Variants in ZC3H6 observed in about 807,000 individuals in gnomAD.
The protein encoded by ZC3H6 is zinc finger CCCH domain-containing protein 6.
Under a neutral mutation model 107.7 loss-of-function variants are expected in ZC3H6, and 40 were observed. The observed-to-expected ratio is 0.37, with a 90% CI of 0.29 to 0.48. The LOEUF (loss-of-function observed/expected upper bound fraction) is 0.48. Among genes scored for constraint, ZC3H6 ranks in the 20% least tolerant of loss-of-function variants. The probability of loss-of-function intolerance (pLI) is 0.98; values close to 1 mark genes in which losing one functional copy is unlikely to be tolerated. For synonymous variants in ZC3H6, 493 were observed against 487.9 expected (o/e 1.01, Z -0.14); for missense variants, 1,267 against 1,410.4 (o/e 0.90, Z 1.63).
intron 1 of ZC3H6, 88 bp from the exon 2 acceptor site, chr2:112,299,761 C>T: frequency 9.5e-7 from 1 of 1,055,226 alleles, no homozygotes; most frequent in Middle Eastern, 3.1e-4. Context: ...TAACATAAAT[C>T]CTTGGCATAT....
chr2:112,288,896 C>G (rs932688813), intron 1 of ZC3H6, among the ~76,000 whole-genome samples: 3 of 152,164 alleles, frequency 2.0e-5, no homozygotes, highest in African/African-American at 7.2e-5. Context: ...ATATTCCACT[C>G]TCTCTTCTGG....
At position 112,322,847 on chromosome 2, in the gene ZC3H6, C is replaced by A. The variant is rs1415859101; in HGVS notation, c.1285C>A (p.Leu429Ile). Residue 429 changes from leucine (L) to isoleucine (I), a missense_variant, in exon 9 of 12, where the codon CTT becomes ATT. Transcript: ENST00000409871. ...FSDDFRKIPSLFEIVVKPTVD... is the reference protein window; with the variant it reads ...FSDDFRKIPSIFEIVVKPTVD... Reference sequence around the variant, plus strand: ...TGATGATTTTAGGAAAATTCCATCTCTTTTTGAAATAGTTGTAAAACCTAC... The same window carrying A: ...TGATGATTTTAGGAAAATTCCATCTATTTTTGAAATAGTTGTAAAACCTAC... 6.2e-7 allele frequency: 1 copy of A among 1,612,984 alleles called. No homozygotes were observed. The highest frequency in any genetic ancestry group is 8.5e-7 in the Non-Finnish European group (1 of 1,179,692).
chr2:112,325,828 A>G (rs1676897151), intron 11 of ZC3H6, among the ~76,000 whole-genome samples: 1 of 152,090 alleles, frequency 6.6e-6, no homozygotes, highest in African/African-American at 2.4e-5. Context: ...TTTTAAATAT[A>G]AAAAGATTAT....
intron 11 of ZC3H6, among the ~76,000 whole-genome samples, chr2:112,330,713 T>G (rs1413318326): frequency 2.0e-5 from 3 of 152,156 alleles, no homozygotes; most frequent in African/African-American, 7.2e-5. Context: ...GGAAGGACAT[T>G]ACACATATTC....
At chr2:112,282,941 T>C (rs978829576) in intron 1 of ZC3H6, among the ~76,000 whole-genome samples, 1 of 152,204 alleles carries the variant, frequency 6.6e-6, no homozygotes, top group Admixed American at 6.5e-5. Context: ...ATGATAGTGT[T>C]TTGTACCTTT....
At chr2:112,301,491 C>A (rs1316996617) in intron 2 of ZC3H6, among the ~76,000 whole-genome samples, 4 of 152,064 alleles carry the variant, frequency 2.6e-5, no homozygotes, top group Non-Finnish European at 4.4e-5. Flanking sequence ...AACCCTAGAG[C>A]TATGAAGCTA....
At chr2:112,276,720 C>G (rs1047842308) in intron 1 of ZC3H6, among the ~76,000 whole-genome samples, 4 of 152,142 alleles carry the variant, frequency 2.6e-5, no homozygotes, top group Non-Finnish European at 4.4e-5. Flanking sequence ...ATTTTTTGCT[C>G]TGTGCCTTAA....
chr2:112,314,472 A>G (rs1417479560), intron 5 of ZC3H6, among the ~76,000 whole-genome samples: 1 of 152,180 alleles, frequency 6.6e-6, no homozygotes, highest in Non-Finnish European at 1.5e-5. Flanking sequence ...ACAATCCTCT[A>G]TTAAAACAAT....
chr2:112,324,010 T>C lies in ZC3H6; in HGVS notation c.1341-142T>C, dbSNP rs1310195283. 9 of 872,920 alleles carry C rather than the reference T, an allele frequency of 1.0e-5. 1 individual carries two copies. In the South Asian group the frequency reaches 2.0e-4, roughly 20 times the overall value. 54.1% of individuals were successfully genotyped at this position (872,920 alleles called of 1,614,324 possible). On this transcript the variant is annotated intron_variant, in intron 9 of 11. Coordinates refer to ENST00000409871, the MANE Select transcript of ZC3H6 (RefSeq NM_198581.3). ...ATTTCGTGTTTCTACCTATCGACGC[T>C]ATGGAACAAATTGCTTCTTAAACAC...
Position 112,338,490 on chromosome 2 carries a change from TTG to T in ZC3H6, c.*6005_*6006del, listed in dbSNP as rs1677171669. On this transcript the variant is annotated 3_prime_UTR_variant, in exon 12 of 12. Coordinates refer to ENST00000409871, the MANE Select transcript of ZC3H6 (RefSeq NM_198581.3). The stretch of plus-strand genomic sequence containing the variant: ...GGAAGAGCTGTGAGTTCAAAGAAGA[TTG>T]TGAGTTCTTGGAATAGTATTTTACA... 2 of 152,224 alleles carry T rather than the reference TTG, an allele frequency of 1.3e-5. No individual in the cohort carries two copies. 9.4% of individuals were successfully genotyped at this position (152,224 alleles called of 1,614,324 possible). A position where few individuals can be genotyped will look rare whatever the true frequency, so the allele number is the denominator to read the frequency against.
chr2:112,327,127 CT>C, intron 11 of ZC3H6, among the ~76,000 whole-genome samples: 1 of 152,284 alleles, frequency 6.6e-6, no homozygotes, highest in Admixed American at 6.5e-5. Flanking sequence ...TACTAATTTA[CT>C]TTCCCACCAA....
chr2:112,331,968 G>T lies in ZC3H6; in HGVS notation c.3050G>T (p.Gly1017Val), dbSNP rs764712806. 1 of 1,613,950 alleles carries T rather than the reference G, an allele frequency of 6.2e-7. No homozygotes were observed. Among genetic ancestry groups the T allele is most frequent in the Non-Finnish European group, 8.5e-7 (1 of 1,179,908 alleles). ...QPSGAGTSNSGSGALPPYAPK... is the reference protein window; with the variant it reads ...QPSGAGTSNSVSGALPPYAPK... The stretch of plus-strand genomic sequence containing the variant: ...TCAGGGGCAGGAACTAGCAATTCTG[G>T]TTCCGGGGCTCTGCCTCCATATGCC... The change falls in exon 12 of 12, where the codon GGT becomes GTT. Residue 1017 changes from glycine (G) to valine (V), a missense_variant. By Grantham distance (109) the Gly-to-Val change is moderately radical (BLOSUM62 -3). Coordinates refer to ENST00000409871, the MANE Select transcript of ZC3H6 (RefSeq NM_198581.3).
At position 112,309,865 on chromosome 2, in the gene ZC3H6, G is replaced by T; in HGVS notation, c.337-20G>T. The T allele has an allele frequency of 6.5e-7, 1 of 1,550,152 alleles. No individual in the cohort carries two copies. Among genetic ancestry groups the T allele is most frequent in the South Asian group, 1.2e-5 (1 of 82,874 alleles). ...TATATAATTGAAAAATCCTGATAAT[G>T]ATTGTCCATTTTCACTTAGCGTGGA... On this transcript the variant is annotated intron_variant, in intron 3 of 11. Transcript: ENST00000409871.
chr2:112,282,554 T>C (rs1042759806), intron 1 of ZC3H6, among the ~76,000 whole-genome samples: 3 of 152,146 alleles, frequency 2.0e-5, no homozygotes, highest in Non-Finnish European at 4.4e-5. Flanking sequence ...GACAACAGAT[T>C]GGTAAGTTTC....
At chr2:112,318,361 A>G (rs1471930559) in intron 7 of ZC3H6, among the ~76,000 whole-genome samples, 1 of 152,212 alleles carries the variant, frequency 6.6e-6, no homozygotes, top group African/African-American at 2.4e-5. Context: ...GCTAAATAAT[A>G]AGATAAATAA....
intron 7 of ZC3H6, among the ~76,000 whole-genome samples, chr2:112,320,482 A>C (rs778524676): frequency 2.0e-5 from 3 of 151,986 alleles, no homozygotes; most frequent in Non-Finnish European, 2.9e-5. Context: ...TTGATTATTC[A>C]CCTCTGTAAG....
chr2:112,328,473 A>T (rs1676955582), intron 11 of ZC3H6, among the ~76,000 whole-genome samples: 1 of 152,204 alleles, frequency 6.6e-6, no homozygotes. Flanking sequence ...TGAACATGGA[A>T]TATCTTTCCA....
intron 3 of ZC3H6, among the ~76,000 whole-genome samples, chr2:112,305,108 T>C (rs1676452018): frequency 6.6e-6 from 1 of 152,194 alleles, no homozygotes; most frequent in Admixed American, 6.5e-5. Context: ...TCATTAAAAA[T>C]ATTTTTACCA....
chr2:112,316,664 A>G (rs1435566822), intron 6 of ZC3H6, 78 bp downstream of exon 6: 1 of 877,420 alleles, frequency 1.1e-6, no homozygotes, highest in Non-Finnish European at 1.7e-6. Flanking sequence ...GGGGATGGTT[A>G]ATTTTTTTCT....
Sources: allele counts gnomAD v4.1 joint callset (sites outside exome capture counted in the v4.1 genomes callset), GRCh38; gene constraint gnomAD v4.1.1; transcripts MANE v1.5; gene names NCBI Gene and HGNC (gene_info 2026-07-23, HGNC 2026-07-21).